USO1: variants seen among roughly 807,000 people sequenced by gnomAD.
The protein encoded by USO1 is general vesicular transport factor p115.
USO1 carries 57 observed loss-of-function variants against 124.5 expected under a neutral mutation model. The ratio of observed to expected loss-of-function variants is 0.46; its 90% CI spans 0.37 to 0.57. The LOEUF (loss-of-function observed/expected upper bound fraction) is 0.57. Ranked by LOEUF, USO1 falls within the 20% of genes least tolerant of loss-of-function variation. USO1 has a pLI of 0.00. For missense variants in USO1, 900 were observed against 1,040.6 expected (o/e 0.86, Z 1.86); for synonymous variants, 369 against 362.8 (o/e 1.02, Z -0.19).
At chr4:75,750,463 A>T (rs1285760392) in intron 1 of USO1, among the ~76,000 whole-genome samples, 2 of 151,860 alleles carry the variant, frequency 1.3e-5, no homozygotes, top group African/African-American at 4.8e-5. Flanking sequence ...AATCTAATTT[A>T]TTACATTTTT....
At chr4:75,803,649 CAAA>C (rs540083885) in intron 17 of USO1, among the ~76,000 whole-genome samples, 6 of 82,390 alleles carry the variant, frequency 7.3e-5, no homozygotes, top group Non-Finnish European at 9.9e-5. Flanking sequence ...AACTCCGTCT[CAAA>C]AAAAAAAAAA....
chr4:75,756,926 G>C (rs1253865229), intron 3 of USO1, among the ~76,000 whole-genome samples: 1 of 151,490 alleles, frequency 6.6e-6, no homozygotes, highest in East Asian at 1.9e-4. Context: ...CGTTCCTCTA[G>C]ATATGAACAG....
chr4:75,792,662 A>C (rs1403561224), intron 12 of USO1, among the ~76,000 whole-genome samples: 1 of 152,090 alleles, frequency 6.6e-6, no homozygotes, highest in African/African-American at 2.4e-5. Flanking sequence ...GCACCACTGC[A>C]CTCCAGTCTG....
In USO1 at chr4:75,799,730, T is replaced by C. The variant is rs376820489; in HGVS notation, c.1561T>C (p.Phe521Leu). 2 of 1,613,418 alleles carry C rather than the reference T, an allele frequency of 1.2e-6. No individual in the cohort carries two copies. The highest frequency in any genetic ancestry group is 1.6e-4 in the Middle Eastern group (1 of 6,072). ...HFLHNSANVP[F>L]LTGQIAENLG... The stretch of plus-strand genomic sequence containing the variant: ...TCTTCACAATTCAGCCAATGTTCCA[T>C]TTGTATCCTTTATGTTTTAGTAACG... The change falls in exon 14 of 24, where the codon TTT becomes CTT. Residue 521 changes from phenylalanine (F) to leucine (L), a missense_variant and splice_region_variant. Physicochemically the swap from Phe to Leu is conservative, Grantham distance 22. Coordinates refer to ENST00000514213, the MANE Select transcript of USO1 (RefSeq NM_003715.4).
intron 7 of USO1, among the ~76,000 whole-genome samples, chr4:75,773,303 A>G (rs953229963): frequency 6.6e-6 from 1 of 152,140 alleles, no homozygotes; most frequent in African/African-American, 2.4e-5. Flanking sequence ...TGGTTTTTAC[A>G]TGTTTTATAA....
chr4:75,800,533 T>G, intron 15 of USO1, 64 bp downstream of exon 15: 2 of 1,520,912 alleles, frequency 1.3e-6, no homozygotes, highest in South Asian at 1.3e-5. Flanking sequence ...TTTTTTTTTT[T>G]GCCAAAGCAT....
intron 4 of USO1, among the ~76,000 whole-genome samples, chr4:75,759,483 A>G (rs138886718): frequency 6.6e-6 from 1 of 151,284 alleles, no homozygotes; most frequent in Non-Finnish European, 1.5e-5. Context: ...AATCCCAACT[A>G]CTCAGGAAGC....
chr4:75,778,944 A>G (rs1027318030), intron 8 of USO1, among the ~76,000 whole-genome samples: 1 of 152,176 alleles, frequency 6.6e-6, no homozygotes, highest in African/African-American at 2.4e-5. Context: ...TCAACCCTGC[A>G]TTGAATAAGT....
chr4:75,746,665 T>C (rs901152505), intron 1 of USO1, among the ~76,000 whole-genome samples: 2 of 152,200 alleles, frequency 1.3e-5, no homozygotes, highest in Admixed American at 1.3e-4. Context: ...TGCTTTCTTA[T>C]AGAGAGATCA....
intron 4 of USO1, among the ~76,000 whole-genome samples, chr4:75,759,264 T>TTTTTTTTTTTTTTTTTC (rs1553898967): frequency 1.4e-5 from 2 of 145,428 alleles, no homozygotes; most frequent in African/African-American, 2.6e-5. Flanking sequence ...TTTTTTTTTT[T>TTTTTTTTTTTTTTTTTC]CTGAAAATTT....
chr4:75,733,059 G>A (rs933822023), intron 1 of USO1, among the ~76,000 whole-genome samples: 3 of 151,274 alleles, frequency 2.0e-5, no homozygotes, highest in African/African-American at 4.9e-5. Context: ...AGGAGTTCGA[G>A]ACCAGCCTGG....
At chr4:75,785,543 C>T (rs324734) in intron 9 of USO1, among the ~76,000 whole-genome samples, 121,908 of 151,908 alleles carry the variant, frequency 0.8, 49,103 homozygotes, top group East Asian at 0.99. Context: ...ATAAACTGTC[C>T]TGATATGACT....
At chr4:75,758,650 G>C (rs531855074) in intron 4 of USO1, among the ~76,000 whole-genome samples, 160 of 152,106 alleles carry the variant, frequency 1.1e-3, no homozygotes, top group African/African-American at 3.7e-3. Flanking sequence ...TGGGAGGCTG[G>C]GGTGGAAGGA....
chr4:75,789,332 C>T (rs778803871), intron 10 of USO1, among the ~76,000 whole-genome samples: 2 of 152,150 alleles, frequency 1.3e-5, no homozygotes, highest in Admixed American at 6.6e-5. Flanking sequence ...GGCTGGAGTG[C>T]AGTGGCACTA....
At chr4:75,773,529 A>AT (rs1420919132) in intron 7 of USO1, among the ~76,000 whole-genome samples, 1 of 152,028 alleles carries the variant, frequency 6.6e-6, no homozygotes, top group Admixed American at 6.6e-5. Context: ...CCAATTTTTT[A>AT]TTTTTTTATT....
In USO1 at chr4:75,810,447, G is replaced by C. The variant is rs764667399; in HGVS notation, c.2491G>C (p.Val831Leu). The C allele has an allele frequency of 6.2e-7, 1 of 1,611,176 alleles. No individual in the cohort carries two copies. Among genetic ancestry groups the C allele is most frequent in the East Asian group, 2.2e-5 (1 of 44,764 alleles). The change falls in exon 22 of 24, where the codon GTA (valine) becomes CTA (leucine). Residue 831 changes from valine to leucine, a missense_variant. Val to Leu is a conservative substitution (Grantham distance 32). Around this residue, in one of 2 missense-constraint regions of USO1, gnomAD observed 362 missense variants for 359.0 expected, o/e 1.01. Coordinates refer to ENST00000514213, the MANE Select transcript of USO1 (RefSeq NM_003715.4). ...CTAATTTCAGGCAAAATCAGTTGAG[G>C]TACAAGGAGAGACCGAGACTATAAT... ...KTEAFAKSVE[V>L]QGETETIIAT...
At chr4:75,746,763 T>A (rs561545482) in intron 1 of USO1, among the ~76,000 whole-genome samples, 1 of 152,342 alleles carries the variant, frequency 6.6e-6, no homozygotes, top group South Asian at 2.1e-4. Context: ...TAGTCCGTGT[T>A]CTCAATCTTG....
chr4:75,724,666 T>G lies in USO1; in HGVS notation c.-154T>G. ...CGCTGCTGGCGGCTGTTTCCGGGCTTAGAGGGCTGGAGTGGCCGCCGAGTT... is the reference window on the plus strand; with the variant it reads ...CGCTGCTGGCGGCTGTTTCCGGGCTGAGAGGGCTGGAGTGGCCGCCGAGTT... On this transcript the variant is annotated 5_prime_UTR_variant, in exon 1 of 24. It removes the in-frame stop codon of an upstream open reading frame in the 5' UTR. Coordinates refer to ENST00000514213, the MANE Select transcript of USO1 (RefSeq NM_003715.4). 1 of 688,536 alleles carries G rather than the reference T, an allele frequency of 1.5e-6. No individual in the cohort carries two copies. 42.7% of individuals were successfully genotyped at this position (688,536 alleles called of 1,614,324 possible).
chr4:75,740,227 T>C (rs1203411770), intron 1 of USO1, among the ~76,000 whole-genome samples: 2 of 152,198 alleles, frequency 1.3e-5, no homozygotes, highest in Non-Finnish European at 2.9e-5. Context: ...TTTATATTGA[T>C]CAGTTGATGA....
Sources: gnomAD v4.1 joint callset for allele counts (sites outside exome capture counted in the v4.1 genomes callset) on GRCh38, gnomAD v4.1.1 for gene constraint, gnomAD v4.1.1 regional missense constraint, MANE v1.5 for transcripts, NCBI Gene and HGNC (gene_info 2026-07-23, HGNC 2026-07-21) for gene names.